The following RFX7 variants were observed in gnomAD, a reference collection of about 807,000 sequenced individuals.
The protein encoded by RFX7 is DNA-binding protein RFX7.
Under a neutral mutation model 111.8 loss-of-function variants are expected in RFX7, and 26 were observed. That is an observed-to-expected ratio of 0.23 (90% CI 0.17 to 0.32). The LOEUF is 0.32. Ranked by LOEUF, RFX7 falls within the 10% of genes least tolerant of loss-of-function variation. The probability of loss-of-function intolerance (pLI) is 1.00; values close to 1 mark genes in which losing one functional copy is unlikely to be tolerated. For synonymous variants in RFX7, 624 were observed against 624.4 expected, an observed-to-expected ratio of 1.00 and a Z score of 0.01; for missense variants, 1,573 against 1,772.9, an observed-to-expected ratio of 0.89 and a Z score of 2.02.
At chr15:56,101,036 AT>A (rs2041744928) in intron 8 of RFX7, among the ~76,000 whole-genome samples, 1 of 152,196 alleles carries the variant, frequency 6.6e-6, no homozygotes, top group Admixed American at 6.5e-5. Flanking sequence ...ATATACATAT[AT>A]GTACATATAA....
At chr15:56,149,135 G>T (rs2042530767) in intron 3 of RFX7, among the ~76,000 whole-genome samples, 1 of 151,446 alleles carries the variant, frequency 6.6e-6, no homozygotes, top group African/African-American at 2.4e-5. Context: ...TTCCCCCTCT[G>T]TGGCACCTTG....
At chr15:56,155,635 G>T (rs2042642827) in intron 3 of RFX7, among the ~76,000 whole-genome samples, 1 of 152,078 alleles carries the variant, frequency 6.6e-6, no homozygotes, top group Non-Finnish European at 1.5e-5. Flanking sequence ...GCTAGGGGAG[G>T]GATAACATTA....
chr15:56,159,891 C>T (rs12595840), intron 3 of RFX7, among the ~76,000 whole-genome samples: 30,093 of 151,946 alleles, frequency 0.2, 3,415 homozygotes, highest in East Asian at 0.45. Flanking sequence ...TTAAAAGTAG[C>T]CTAAATGGAG....
At chr15:56,169,818 G>C (rs532110142) in intron 3 of RFX7, among the ~76,000 whole-genome samples, 2 of 150,406 alleles carry the variant, frequency 1.3e-5, no homozygotes, top group Non-Finnish European at 2.9e-5. Context: ...CTGGGGATGA[G>C]AGTGGGGTGG....
intron 3 of RFX7, among the ~76,000 whole-genome samples, chr15:56,178,825 C>T (rs1270323089): frequency 6.6e-6 from 1 of 152,150 alleles, no homozygotes; most frequent in Non-Finnish European, 1.5e-5. Context: ...TTTTACAATT[C>T]TATTAAGTAG....
At chr15:56,115,674 C>T (rs1331572477) in intron 5 of RFX7, among the ~76,000 whole-genome samples, 1 of 152,122 alleles carries the variant, frequency 6.6e-6, no homozygotes, top group Admixed American at 6.5e-5. Context: ...CACGGTGGCT[C>T]AGGCCTGTAA....
intron 2 of RFX7, among the ~76,000 whole-genome samples, chr15:56,215,003 A>T (rs1309485916): frequency 1.3e-5 from 2 of 152,180 alleles, no homozygotes; most frequent in Non-Finnish European, 2.9e-5. Context: ...TTTTAAAGAC[A>T]GTGTTTTAAC....
chr15:56,231,541 C>G (rs1230197648), intron 2 of RFX7, among the ~76,000 whole-genome samples: 3 of 152,086 alleles, frequency 2.0e-5, no homozygotes, highest in Non-Finnish European at 4.4e-5. Context: ...TATCTCCCAC[C>G]AAGTCCCTCC....
At chr15:56,098,705 A>G (rs2041714934) in intron 8 of RFX7, among the ~76,000 whole-genome samples, 1 of 152,254 alleles carries the variant, frequency 6.6e-6, no homozygotes, top group South Asian at 2.1e-4. Flanking sequence ...ATGCCAACAC[A>G]GCATTTTTAC....
intron 5 of RFX7, among the ~76,000 whole-genome samples, chr15:56,130,373 G>A (rs554932746): frequency 2.0e-5 from 3 of 152,050 alleles, no homozygotes; most frequent in Admixed American, 6.5e-5. Context: ...CTAAAAATAT[G>A]AAAGTGTAAA....
At chr15:56,141,678 C>CATATATATATATATATAT (rs1567024637) in intron 5 of RFX7, among the ~76,000 whole-genome samples, 57 of 52,450 alleles carry the variant, frequency 1.1e-3, no homozygotes, top group African/African-American at 3.0e-3. Flanking sequence ...TATATATATG[C>CATATATATATATATATAT]ATATATGCTG....
chr15:56,226,298 T>G (rs780941869), intron 2 of RFX7, among the ~76,000 whole-genome samples: 15 of 152,180 alleles, frequency 9.9e-5, no homozygotes, highest in Non-Finnish European at 1.6e-4. Context: ...CTACAGAGTC[T>G]ACCTATCATA....
intron 2 of RFX7, among the ~76,000 whole-genome samples, chr15:56,241,724 AC>A: frequency 6.6e-6 from 1 of 150,902 alleles, no homozygotes; most frequent in Admixed American, 6.6e-5. Flanking sequence ...TTTCTGTCAC[AC>A]ACACACACAC....
At chr15:56,183,671 A>G (rs1384967648) in intron 2 of RFX7, among the ~76,000 whole-genome samples, 1 of 152,184 alleles carries the variant, frequency 6.6e-6, no homozygotes, top group Non-Finnish European at 1.5e-5. Context: ...TTCATTTCCA[A>G]AACAGTCTTG....
intron 5 of RFX7, among the ~76,000 whole-genome samples, chr15:56,112,379 CAAAAAAAAA>C (rs71110374): frequency 4.2e-5 from 3 of 71,766 alleles, no homozygotes; most frequent in South Asian, 6.4e-4. Context: ...GAGTACAAAT[CAAAAAAAAA>C]AAAAAAAAAA....
Position 56,098,373 on chromosome 15 carries a change from A to C in RFX7, c.815T>G (p.Met272Arg), listed in dbSNP as rs1239225880. ...AGCAGAAGGCTGGGTAATTCCTTTCATTCCTGAAAATAAACAGAAAGGAAA... is the reference window on the plus strand; with the variant it reads ...AGCAGAAGGCTGGGTAATTCCTTTCCTTCCTGAAAATAAACAGAAAGGAAA... ...LTVMAAAPAG[M>R]KGITQPSAFI... Residue 272 changes from methionine to arginine, a missense_variant, in exon 9 of 10, where the codon ATG becomes AGG. Met to Arg is a moderately conservative substitution (Grantham distance 91, BLOSUM62 -1). This residue lies in a region of RFX7 where 288 missense variants were observed against 337.9 expected (regional missense o/e 0.85). Coordinates refer to ENST00000559447, the MANE Select transcript of RFX7 (RefSeq NM_022841.7). 6.3e-7 allele frequency: 1 copy of C among 1,583,650 alleles called. No homozygotes were observed. Among genetic ancestry groups the C allele is most frequent in the African/African-American group, 1.3e-5 (1 of 74,278 alleles).
At chr15:56,206,808 T>C (rs1377920981) in intron 2 of RFX7, among the ~76,000 whole-genome samples, 1 of 151,000 alleles carries the variant, frequency 6.6e-6, no homozygotes, top group Non-Finnish European at 1.5e-5. Flanking sequence ...AACAACTGAA[T>C]TCATGGGGAG....
rs150386455 is a variant in RFX7 at position 56,171,407 on chromosome 15, T to C, written c.195+7863A>G. ...AGGATCAATGTATACTCAGGTATCC[T>C]GATAAAAGCGAGGCTGAAAGAGATT... is the stretch of plus-strand genomic sequence containing the variant. On this transcript the variant is annotated intron_variant, in intron 3 of 9. Coordinates refer to ENST00000559447, the MANE Select transcript of RFX7 (RefSeq NM_022841.7). Among the ~76,000 whole-genome samples the C allele has an allele frequency of 1.1e-3, 164 of 152,194 alleles. 1 individual carries two copies. The highest frequency in any genetic ancestry group is 3.8e-3 in the African/African-American group (157 of 41,524).
At chr15:56,134,267 C>T (rs555393956) in intron 5 of RFX7, among the ~76,000 whole-genome samples, 1 of 152,210 alleles carries the variant, frequency 6.6e-6, no homozygotes, top group Admixed American at 6.5e-5. Context: ...TAGTGGAAGA[C>T]CTACAAGGTC....
Sources: gnomAD v4.1 joint callset for allele counts (sites outside exome capture counted in the v4.1 genomes callset) on GRCh38, gnomAD v4.1.1 for gene constraint, gnomAD v4.1.1 regional missense constraint, MANE v1.5 for transcripts, NCBI Gene and HGNC (gene_info 2026-07-23, HGNC 2026-07-21) for gene names.